The following CNTN3 variants were observed in gnomAD, a reference collection of about 807,000 sequenced individuals.
The protein encoded by CNTN3 is contactin 3.
In CNTN3, 60 loss-of-function variants were observed where a neutral mutation model predicts 119.1. The ratio of observed to expected loss-of-function variants is 0.50; its 90% confidence interval spans 0.41 to 0.62. The LOEUF is 0.62. Ranked by LOEUF, CNTN3 falls within the 20% of genes least tolerant of loss-of-function variation. The pLI is 0.00. For synonymous variants in CNTN3, 450 were observed against 438.7 expected (o/e 1.03, Z -0.32); for missense variants, 1,101 against 1,242.4 (o/e 0.89, Z 1.71).
rs368069596 is a variant in CNTN3 at position 74,397,402 on chromosome 3, G to A, written c.455-26003C>T. On this transcript the variant is annotated intron_variant, in intron 5 of 22. Transcript: ENST00000263665. The stretch of plus-strand genomic sequence containing the variant: ...TGCAAATACATCTATTCTGCAGCCC[G>A]TGTTACTACTGTAATTGTTTTGGGG... 3.3e-4 allele frequency among the ~76,000 whole-genome samples: 50 copies of A among 152,038 alleles called. 3 individuals are homozygous for A. In the South Asian group the frequency reaches 9.5e-3, roughly 29 times the overall value.
At chr3:74,371,899 G>A (rs985352701) in intron 5 of CNTN3, among the ~76,000 whole-genome samples, 5 of 152,022 alleles carry the variant, frequency 3.3e-5, no homozygotes, top group South Asian at 2.1e-4. Flanking sequence ...TCTTTTGCAC[G>A]TGCTGCTTCT....
chr3:74,606,724 G>A (rs893916389), intron 1 of CNTN3, among the ~76,000 whole-genome samples: 2 of 152,030 alleles, frequency 1.3e-5, no homozygotes, highest in South Asian at 4.1e-4. Context: ...TCTAGAATTT[G>A]CCATTATATG....
chr3:74,594,675 T>A (rs77550624), intron 1 of CNTN3, among the ~76,000 whole-genome samples: 3 of 151,706 alleles, frequency 2.0e-5, no homozygotes, highest in Admixed American at 2.0e-4. Context: ...ATGTGCCACA[T>A]TTTCTTAATC....
At chr3:74,472,712 A>G (rs1324726481) in intron 4 of CNTN3, among the ~76,000 whole-genome samples, 1 of 152,190 alleles carries the variant, frequency 6.6e-6, no homozygotes, top group East Asian at 1.9e-4. Context: ...AAGTTCATAT[A>G]CTGTGAATGG....
At chr3:74,277,950 T>C (rs1228824205) in intron 20 of CNTN3, among the ~76,000 whole-genome samples, 3 of 151,658 alleles carry the variant, frequency 2.0e-5, no homozygotes, top group Non-Finnish European at 4.4e-5. Flanking sequence ...CACAAATCAG[T>C]AGCTCTTCTA....
At chr3:74,361,849 G>A in intron 11 of CNTN3, 41 bp downstream of exon 11, 1 of 1,564,582 alleles carries the variant, frequency 6.4e-7, no homozygotes, top group Non-Finnish European at 8.7e-7. Context: ...TATGGAAAGT[G>A]AGAGGAAAGT....
intron 1 of CNTN3, among the ~76,000 whole-genome samples, chr3:74,596,308 ACTTT>A (rs1704808559): frequency 6.6e-6 from 1 of 152,098 alleles, no homozygotes; most frequent in Non-Finnish European, 1.5e-5. Flanking sequence ...GCTACCAATG[ACTTT>A]CTTCACAGAA....
At chr3:74,388,825 G>A (rs907684112) in intron 5 of CNTN3, among the ~76,000 whole-genome samples, 10 of 152,020 alleles carry the variant, frequency 6.6e-5, no homozygotes, top group African/African-American at 2.4e-4. Context: ...ATTTTATAAG[G>A]ATTCATCAAT....
intron 19 of CNTN3, among the ~76,000 whole-genome samples, chr3:74,288,457 C>T (rs1423004705): frequency 6.6e-6 from 1 of 152,058 alleles, no homozygotes; most frequent in Admixed American, 6.6e-5. Context: ...CCACGCCTGG[C>T]CTACATCTTT....
At chr3:74,338,707 T>C (rs1270776351) in intron 11 of CNTN3, among the ~76,000 whole-genome samples, 3 of 152,134 alleles carry the variant, frequency 2.0e-5, no homozygotes, top group Admixed American at 2.0e-4. Context: ...TGGGTACAGC[T>C]ATCTATTACG....
Position 74,542,876 on chromosome 3 carries a change from C to T in CNTN3, c.-80-21684G>A, listed in dbSNP as rs1053442514. On this transcript the variant is annotated intron_variant, in intron 1 of 22. Coordinates refer to ENST00000263665, the MANE Select transcript of CNTN3 (RefSeq NM_020872.3). ...TTTTTGGCCTGTTATCCCAGCATTT[C>T]GGGAGGCTGGGGCTGGAGGATTGCT... Among the ~76,000 whole-genome samples the T allele has an allele frequency of 7.2e-5, 11 of 151,988 alleles. No individual in the cohort carries two copies. In the South Asian group the frequency reaches 1.9e-3, roughly 26 times the overall value.
intron 4 of CNTN3, among the ~76,000 whole-genome samples, chr3:74,469,168 A>T (rs1310634185): frequency 6.6e-6 from 1 of 152,176 alleles, no homozygotes; most frequent in East Asian, 1.9e-4. Flanking sequence ...CTTTACAAAT[A>T]AAGAAACTGA....
intron 5 of CNTN3, among the ~76,000 whole-genome samples, chr3:74,377,678 GAAT>G (rs1488122512): frequency 2.0e-5 from 3 of 152,106 alleles, no homozygotes; most frequent in African/African-American, 7.2e-5. Flanking sequence ...CTAGGAATAT[GAAT>G]TTTTTTAATT....
intron 4 of CNTN3, among the ~76,000 whole-genome samples, chr3:74,444,150 C>A (rs901027649): frequency 6.6e-6 from 1 of 152,088 alleles, no homozygotes; most frequent in Non-Finnish European, 1.5e-5. Flanking sequence ...TATAATGACA[C>A]CAATCACATT....
chr3:74,552,651 T>C (rs1186129715), intron 1 of CNTN3, among the ~76,000 whole-genome samples: 19 of 152,170 alleles, frequency 1.2e-4, no homozygotes, highest in Admixed American at 7.9e-4. Context: ...CGAAATCTCA[T>C]CTCAAATTGT....
chr3:74,382,858 T>C (rs1704655389), intron 5 of CNTN3, among the ~76,000 whole-genome samples: 1 of 152,242 alleles, frequency 6.6e-6, no homozygotes, highest in African/African-American at 2.4e-5. Flanking sequence ...TCAGAAATGG[T>C]CTCTTTCTGA....
At position 74,267,273 on chromosome 3, in the gene CNTN3, C is replaced by G. The variant is rs1349464989; in HGVS notation, c.2810G>C (p.Gly937Ala). The change falls in exon 21 of 23, where the codon GGA (glycine) becomes GCA (alanine). Residue 937 changes from glycine to alanine, a missense_variant. By Grantham distance (60) the Gly-to-Ala change is moderately conservative (BLOSUM62 0). Transcript: ENST00000263665. ...KAMENESEVT[G>A]YKVFYRTSSQ... ...GCAAATGAGAAAACTTACTTTATAT[C>G]CTGTTACTTCTGACTCATTCTCCAT... 1 of 1,605,136 alleles carries G rather than the reference C, an allele frequency of 6.2e-7. No individual in the cohort carries two copies. The highest frequency in any genetic ancestry group is 8.5e-7 in the Non-Finnish European group (1 of 1,172,244).
intron 1 of CNTN3, among the ~76,000 whole-genome samples, chr3:74,579,401 G>T (rs1704468421): frequency 6.7e-6 from 1 of 149,922 alleles, no homozygotes; most frequent in Admixed American, 6.7e-5. Context: ...GAAAAGGCTT[G>T]AAAAACAGAA....
intron 19 of CNTN3, among the ~76,000 whole-genome samples, chr3:74,290,695 CTTTT>C (rs960985235): frequency 9.9e-5 from 15 of 151,838 alleles, no homozygotes; most frequent in African/African-American, 3.6e-4. Flanking sequence ...CATTTATTTT[CTTTT>C]TTTCTTTTTT....
Sources: allele counts gnomAD v4.1 joint callset (sites outside exome capture counted in the v4.1 genomes callset), GRCh38; gene constraint gnomAD v4.1.1; transcripts MANE v1.5; gene names NCBI Gene and HGNC (gene_info 2026-07-23, HGNC 2026-07-21).